DDX25: variants seen among roughly 807,000 people sequenced by gnomAD.
The protein encoded by DDX25 is ATP-dependent RNA helicase DDX25.
Under a neutral mutation model 64.6 loss-of-function variants are expected in DDX25, and 70 were observed. The observed-to-expected ratio is 1.08, with a 90% CI of 0.89 to 1.32. DDX25 has a LOEUF of 1.32. Among genes scored for constraint, DDX25 ranks in the 40% most tolerant of loss-of-function variants. DDX25 has a pLI of 0.00. For missense variants in DDX25, 587 were observed against 604.4 expected (o/e 0.97, Z 0.30); for synonymous variants, 211 against 213.3 (o/e 0.99, Z 0.09).
At chr11:125,920,714 G>C (rs1945098669) in intron 10 of DDX25, among the ~76,000 whole-genome samples, 1 of 152,150 alleles carries the variant, frequency 6.6e-6, no homozygotes. Flanking sequence ...TGAGAAACCA[G>C]TCTGGAAGTT....
intron 5 of DDX25, 48 bp from the exon 6 acceptor site, chr11:125,908,353 C>T: frequency 2.5e-6 from 4 of 1,612,638 alleles, no homozygotes; most frequent in Non-Finnish European, 3.4e-6. Flanking sequence ...AGTTTATGCC[C>T]ACTCTCTTGT....
intron 4 of DDX25, 121 bp downstream of exon 4, chr11:125,906,330 TG>T (rs2134272564): frequency 7.5e-7 from 1 of 1,329,646 alleles, no homozygotes; most frequent in South Asian, 1.7e-5. Flanking sequence ...TATTTTTTTT[TG>T]TTATTTGAGA....
intron 7 of DDX25, among the ~76,000 whole-genome samples, chr11:125,910,938 CA>C (rs1226796994): frequency 6.7e-6 from 1 of 150,220 alleles, no homozygotes; most frequent in African/African-American, 2.4e-5. Context: ...TGAGCTCATA[CA>C]TGCACATACA....
chr11:125,904,296 CTG>C, upstream of DDX25: 1 of 373,064 alleles, frequency 2.7e-6, no homozygotes, highest in South Asian at 1.3e-4. Flanking sequence ...GCCCCGCTCT[CTG>C]CCCTCCGCCC....
intron 6 of DDX25, among the ~76,000 whole-genome samples, chr11:125,910,120 C>T (rs1253362341): frequency 6.6e-6 from 1 of 152,058 alleles, no homozygotes; most frequent in Admixed American, 6.6e-5. Flanking sequence ...TCTAAATAAC[C>T]CTTTAGAGAG....
chr11:125,909,252 C>G (rs1944934306), intron 6 of DDX25, among the ~76,000 whole-genome samples: 1 of 152,122 alleles, frequency 6.6e-6, no homozygotes, highest in Non-Finnish European at 1.5e-5. Flanking sequence ...GCCAGGTCAG[C>G]TATAGGTAAG....
chr11:125,906,282 A>G, intron 4 of DDX25, 73 bp downstream of exon 4: 1 of 1,442,160 alleles, frequency 6.9e-7, no homozygotes, highest in Non-Finnish European at 9.1e-7. Flanking sequence ...CTTATAGTAA[A>G]AACCATCAGG....
chr11:125,923,146 G>A lies in DDX25; in HGVS notation c.*265G>A, dbSNP rs1291758937. 2 of 400,888 alleles carry A rather than the reference G, an allele frequency of 5.0e-6. No homozygotes were observed. Among genetic ancestry groups the A allele is most frequent in the Non-Finnish European group, 9.0e-6 (2 of 222,000 alleles). The allele number at this position is 400,888 out of a possible 1,614,324, so 24.8% of individuals were successfully genotyped here. ...GGTAATGTCTCAATGTGGGCTATGG[G>A]GGTGTTTTTGGATTTGGTTGATACA... On this transcript the variant is annotated 3_prime_UTR_variant, in exon 12 of 12. Coordinates refer to ENST00000263576, the MANE Select transcript of DDX25 (RefSeq NM_013264.5).
In DDX25 at chr11:125,928,685, T is replaced by C. The variant is rs1386674546; in HGVS notation, c.*5804T>C. ...TTCTCTTAGTACAAGCAAGATTATA[T>C]TTTTTAAAGTGGTTCATCATTTGAA... On this transcript the variant is annotated 3_prime_UTR_variant, in exon 12 of 12. Transcript: ENST00000263576. 6.6e-6 allele frequency: 1 copy of C among 152,236 alleles called. No homozygotes were observed. Among genetic ancestry groups the C allele is most frequent in the Non-Finnish European group, 1.5e-5 (1 of 68,030 alleles). 9.4% of individuals were successfully genotyped at this position (152,236 alleles called of 1,614,324 possible). A position where few individuals can be genotyped will look rare whatever the true frequency, so the allele number is the denominator to read the frequency against.
intron 11 of DDX25, 77 bp from the exon 12 acceptor site, chr11:125,922,743 C>T: frequency 1.4e-6 from 2 of 1,381,012 alleles, no homozygotes; most frequent in African/African-American, 1.4e-5. Flanking sequence ...GTATCACTGT[C>T]TTCAGAAATA....
intron 8 of DDX25, among the ~76,000 whole-genome samples, chr11:125,913,107 G>A (rs552620767): frequency 2.5e-3 from 368 of 148,310 alleles, no homozygotes; most frequent in Non-Finnish European, 4.1e-3. Context: ...GCAGTGAGCC[G>A]AGATCACGCC....
At chr11:125,910,130 G>C (rs1237574024) in intron 6 of DDX25, among the ~76,000 whole-genome samples, 4 of 152,044 alleles carry the variant, frequency 2.6e-5, no homozygotes, top group Non-Finnish European at 5.9e-5. Context: ...CCTTTAGAGA[G>C]GAATATGTAA....
chr11:125,910,796 T>C (rs1944956477), intron 7 of DDX25, among the ~76,000 whole-genome samples: 1 of 152,208 alleles, frequency 6.6e-6, no homozygotes, highest in Non-Finnish European at 1.5e-5. Flanking sequence ...TATTATAAGC[T>C]TATAATGGGG....
intron 4 of DDX25, among the ~76,000 whole-genome samples, chr11:125,907,485 GTA>G (rs1322984729): frequency 3.3e-5 from 5 of 152,022 alleles, no homozygotes; most frequent in African/African-American, 1.2e-4. Context: ...GCGGGCGCCT[GTA>G]GTCCTAGCTA....
At position 125,920,921 on chromosome 11, in the gene DDX25, C is replaced by T. The variant is rs1332115380; in HGVS notation, c.1202-270C>T. The T allele has an allele frequency of 6.3e-4, 42 of 67,132 alleles. No individual in the cohort carries two copies. The East Asian group carries it at 7.1e-3, about 11-fold the overall frequency. 4.2% of individuals were successfully genotyped at this position (67,132 alleles called of 1,614,324 possible). On this transcript the variant is annotated intron_variant, in intron 10 of 11. Coordinates refer to ENST00000263576, the MANE Select transcript of DDX25 (RefSeq NM_013264.5). ...CACCTCTCCACCACACACACACATA[C>T]ACACACACACACACACACACACACA...
intron 4 of DDX25, among the ~76,000 whole-genome samples, chr11:125,907,374 C>G (rs923626651): frequency 1.3e-5 from 2 of 152,194 alleles, no homozygotes; most frequent in South Asian, 4.1e-4. Context: ...TTTGGGAGGC[C>G]AAGGGGGGCG....
At chr11:125,907,456 A>T (rs1297748977) in intron 4 of DDX25, among the ~76,000 whole-genome samples, 1 of 152,020 alleles carries the variant, frequency 6.6e-6, no homozygotes, top group Non-Finnish European at 1.5e-5. Flanking sequence ...AAAATACAAA[A>T]AATTAGCCAG....
chr11:125,905,343 A>G (rs1319602119), intron 2 of DDX25, 65 bp downstream of exon 2: 2 of 1,521,164 alleles, frequency 1.3e-6, no homozygotes, highest in African/African-American at 2.8e-5. Context: ...TGCTTTCATC[A>G]CGTCCCTGCC....
Position 125,927,283 on chromosome 11 carries a change from G to A in DDX25, c.*4402G>A, listed in dbSNP as rs1945176056. The A allele has an allele frequency of 6.6e-6, 1 of 152,186 alleles. No homozygotes were observed. The highest frequency in any genetic ancestry group is 1.5e-5 in the Non-Finnish European group (1 of 68,062). The allele number at this position is 152,186 out of a possible 1,614,324, so 9.4% of individuals were successfully genotyped here. On this transcript the variant is annotated 3_prime_UTR_variant, in exon 12 of 12. Coordinates refer to ENST00000263576, the MANE Select transcript of DDX25 (RefSeq NM_013264.5). Reference sequence around the variant, plus strand: ...CCCACGGAGGGGCCCACAGGCCCATGTCTGGAACTGCCTGGCCCTCCTTTA... The same window carrying A: ...CCCACGGAGGGGCCCACAGGCCCATATCTGGAACTGCCTGGCCCTCCTTTA...
Sources: gnomAD v4.1 joint callset for allele counts (sites outside exome capture counted in the v4.1 genomes callset) on GRCh38, gnomAD v4.1.1 for gene constraint, MANE v1.5 for transcripts, NCBI Gene and HGNC (gene_info 2026-07-23, HGNC 2026-07-21) for gene names.